Variants in ASAP1 observed in about 807,000 individuals in gnomAD.
ASAP1 encodes the protein ArfGAP with SH3 domain, ankyrin repeat and PH domain 1.
Under a neutral mutation model 145.2 loss-of-function variants are expected in ASAP1, and 43 were observed. That is an observed-to-expected ratio of 0.30 (90% CI 0.23 to 0.38). The LOEUF (loss-of-function observed/expected upper bound fraction) is 0.38, where lower values mean the gene tolerates loss of function less well. Ranked by LOEUF, ASAP1 falls within the 10% of genes least tolerant of loss-of-function variation. The probability of loss-of-function intolerance (pLI) is 1.00; values close to 1 mark genes in which losing one functional copy is unlikely to be tolerated. For missense variants in ASAP1, 1,018 were observed against 1,355.3 expected (o/e 0.75, Z 3.91); for synonymous variants, 546 against 515.5 (o/e 1.06, Z -0.80).
chr8:130,118,554 G>A lies in ASAP1; in HGVS notation c.1729C>T (p.Leu577Phe), dbSNP rs767529919. 3 of 1,614,008 alleles carry A rather than the reference G, an allele frequency of 1.9e-6. No homozygotes were observed. Among genetic ancestry groups the A allele is most frequent in the Non-Finnish European group, 2.5e-6 (3 of 1,180,024 alleles). Residue 577 changes from leucine (L) to phenylalanine (F), a missense_variant, in exon 19 of 30, where the codon CTT (leucine) becomes TTT (phenylalanine). This residue lies in a region of ASAP1 where 353 missense variants were observed against 375.4 expected (regional missense o/e 0.94). Coordinates refer to ENST00000518721, the MANE Select transcript of ASAP1 (RefSeq NM_018482.4). ...TCTGCATAGACTTGAATTAGTGCAA[G>A]TAAATCCCTGGATTTGATGGCCTCA... ...LLEAIKSRDL[L>F]ALIQVYAEGV...
At chr8:130,184,602 A>G (rs1814592930) in intron 7 of ASAP1, among the ~76,000 whole-genome samples, 1 of 152,242 alleles carries the variant, frequency 6.6e-6, no homozygotes, top group Non-Finnish European at 1.5e-5. Context: ...TACCTGGTCC[A>G]TCCTAGAATG....
chr8:130,276,456 T>C (rs1007816252), intron 3 of ASAP1, among the ~76,000 whole-genome samples: 4 of 152,162 alleles, frequency 2.6e-5, no homozygotes, highest in Admixed American at 6.5e-5. Flanking sequence ...TAGCCAATCA[T>C]GGACTACGAA....
chr8:130,174,484 CTGAG>C (rs1383376226), intron 9 of ASAP1, among the ~76,000 whole-genome samples: 4 of 152,332 alleles, frequency 2.6e-5, no homozygotes, highest in South Asian at 2.1e-4. Flanking sequence ...TAACATGTAA[CTGAG>C]TATTTACTCT....
At chr8:130,407,904 A>T (rs988744861) in intron 1 of ASAP1, among the ~76,000 whole-genome samples, 4 of 152,134 alleles carry the variant, frequency 2.6e-5, no homozygotes, top group Admixed American at 6.5e-5. Context: ...AGCTTGGACA[A>T]TTTTTTCCCC....
intron 2 of ASAP1, among the ~76,000 whole-genome samples, chr8:130,381,919 C>A (rs1250881021): frequency 3.3e-5 from 5 of 152,194 alleles, no homozygotes; most frequent in East Asian, 1.9e-4. Context: ...TGACCACTCT[C>A]CTCCCACCCT....
At chr8:130,072,824 T>TGTGTGTGCGCGCGC in intron 27 of ASAP1, among the ~76,000 whole-genome samples, 15 of 32,308 alleles carry the variant, frequency 4.6e-4, no homozygotes, top group Non-Finnish European at 6.9e-4. Context: ...TGTGTGTGTG[T>TGTGTGTGCGCGCGC]GCGCGCGGGG....
intron 25 of ASAP1, among the ~76,000 whole-genome samples, chr8:130,089,736 A>G (rs1241753884): frequency 6.6e-6 from 1 of 152,234 alleles, no homozygotes. Flanking sequence ...CCGTGTATGA[A>G]TGCACCCACA....
In ASAP1 at chr8:130,148,303, C is replaced by T. The variant is rs375816805; in HGVS notation, c.1080+4433G>A. Among the ~76,000 whole-genome samples the T allele has an allele frequency of 7.8e-4, 119 of 152,344 alleles. 1 individual carries two copies. The South Asian group carries it at 0.025, about 32-fold the overall frequency. ...GTCCAGCTATTTACAAACTTCATGA[C>T]CCTGAGCATGGGATTTAACCTCTCT... On this transcript the variant is annotated intron_variant, in intron 13 of 29. Transcript: ENST00000518721.
At chr8:130,152,942 G>A in intron 12 of ASAP1, 137 bp from the exon 13 acceptor site, 1 of 588,738 alleles carries the variant, frequency 1.7e-6, no homozygotes, top group Non-Finnish European at 2.8e-6. Context: ...AAAAAATCCT[G>A]GTTGCCTTTT....
intron 1 of ASAP1, among the ~76,000 whole-genome samples, chr8:130,430,792 G>C (rs1830109415): frequency 6.6e-6 from 1 of 152,190 alleles, no homozygotes; most frequent in African/African-American, 2.4e-5. Flanking sequence ...AAGAAAGAAA[G>C]ACAATGAGTG....
intron 3 of ASAP1, among the ~76,000 whole-genome samples, chr8:130,288,064 T>C (rs1003924242): frequency 3.9e-5 from 6 of 152,190 alleles, no homozygotes; most frequent in African/African-American, 7.2e-5. Context: ...CCTGCATCCA[T>C]GCTGCGTGGA....
rs115789400 is a variant in ASAP1, at chr8:130,285,451, T to G, written c.187-48457A>C. On this transcript the variant is annotated intron_variant, in intron 3 of 29. Coordinates refer to ENST00000518721, the MANE Select transcript of ASAP1 (RefSeq NM_018482.4). ...AAATGATCTTATCACTAGAAAAAAT[T>G]TTATGGTCTAAATAAAACCAAGGAA... Among the ~76,000 whole-genome samples the G allele has an allele frequency of 3.5e-3, 531 of 152,274 alleles. 1 individual carries two copies. Among genetic ancestry groups the G allele is most frequent in the African/African-American group, 0.012 (511 of 41,546 alleles).
intron 5 of ASAP1, among the ~76,000 whole-genome samples, chr8:130,209,371 C>T (rs1205099704): frequency 6.6e-6 from 1 of 152,222 alleles, no homozygotes; most frequent in Admixed American, 6.5e-5. Context: ...CCTAGAGGTT[C>T]CCAAGGTCCA....
intron 27 of ASAP1, among the ~76,000 whole-genome samples, chr8:130,071,047 A>AGAGAGAGAGAG (rs1491183461): frequency 9.7e-5 from 13 of 133,814 alleles, no homozygotes; most frequent in East Asian, 2.2e-4. Flanking sequence ...AGAGAGAGAG[A>AGAGAGAGAGAG]AAGCAGAGTT....
intron 25 of ASAP1, among the ~76,000 whole-genome samples, chr8:130,087,380 C>T (rs1057320622): frequency 1.3e-5 from 2 of 152,108 alleles, no homozygotes; most frequent in Admixed American, 6.5e-5. Context: ...ATCAGCTGGA[C>T]ATTGTGGCGG....
intron 1 of ASAP1, among the ~76,000 whole-genome samples, chr8:130,412,497 C>G (rs766710707): frequency 1.3e-5 from 2 of 152,002 alleles, no homozygotes; most frequent in Non-Finnish European, 2.9e-5. Context: ...AGAAGCCGAG[C>G]AGATGCCAGC....
intron 3 of ASAP1, among the ~76,000 whole-genome samples, chr8:130,345,151 G>A (rs896533502): frequency 1.3e-5 from 2 of 152,126 alleles, no homozygotes; most frequent in African/African-American, 4.8e-5. Context: ...AGTGTTGTGT[G>A]GACGAAATGA....
At chr8:130,274,978 G>A (rs1019212778) in intron 3 of ASAP1, among the ~76,000 whole-genome samples, 9 of 152,166 alleles carry the variant, frequency 5.9e-5, no homozygotes, top group African/African-American at 9.7e-5. Context: ...AATAAGCATA[G>A]ACTCTTGAGA....
At chr8:130,406,407 A>C (rs1188648524) in intron 1 of ASAP1, among the ~76,000 whole-genome samples, 1 of 152,146 alleles carries the variant, frequency 6.6e-6, no homozygotes, top group Non-Finnish European at 1.5e-5. Context: ...CCCCTAGAAC[A>C]AACACATCTG....
Sources: allele counts gnomAD v4.1 joint callset (sites outside exome capture counted in the v4.1 genomes callset), GRCh38; gene constraint gnomAD v4.1.1; regional missense constraint gnomAD v4.1.1; transcripts MANE v1.5; gene names NCBI Gene and HGNC (gene_info 2026-07-23, HGNC 2026-07-21).